TMEM131L: variants seen among roughly 807,000 people sequenced by gnomAD.
TMEM131L encodes transmembrane protein 131-like.
Under a neutral mutation model 192.2 loss-of-function variants are expected in TMEM131L, and 54 were observed. That is an observed-to-expected ratio of 0.28 (90% confidence interval 0.23 to 0.35). TMEM131L has a LOEUF of 0.35. Among genes scored for constraint, TMEM131L ranks in the 10% least tolerant of loss-of-function variants. The probability of loss-of-function intolerance (pLI) is 1.00; values close to 1 mark genes in which losing one functional copy is unlikely to be tolerated. For synonymous variants in TMEM131L, 701 were observed against 704.9 expected, an observed-to-expected ratio of 0.99 and a Z score of 0.09; for missense variants, 1,888 against 1,972.9, an observed-to-expected ratio of 0.96 and a Z score of 0.82.
chr4:153,523,080 G>A (rs1436109168), intron 3 of TMEM131L, among the ~76,000 whole-genome samples: 1 of 152,044 alleles, frequency 6.6e-6, no homozygotes, highest in East Asian at 1.9e-4. Flanking sequence ...TCAACGTACT[G>A]TGTTTCTTAG....
intron 3 of TMEM131L, among the ~76,000 whole-genome samples, chr4:153,540,131 CAAAAA>C (rs66469233): frequency 2.1e-5 from 3 of 145,710 alleles, no homozygotes; most frequent in Non-Finnish European, 3.1e-5. Flanking sequence ...AACAAAAAAA[CAAAAA>C]AAAAAACCCC....
chr4:153,493,148 C>T (rs1732905544), intron 3 of TMEM131L, among the ~76,000 whole-genome samples: 3 of 151,226 alleles, frequency 2.0e-5, no homozygotes, highest in Admixed American at 2.0e-4. Flanking sequence ...AGATCGAGAC[C>T]ATCCTGGCTA....
chr4:153,621,383 C>G (rs1409059116), intron 27 of TMEM131L, among the ~76,000 whole-genome samples: 1 of 152,128 alleles, frequency 6.6e-6, no homozygotes, highest in African/African-American at 2.4e-5. Flanking sequence ...AAGTGAGGTA[C>G]CCAGACAATA....
chr4:153,477,632 T>A (rs1731640555), intron 3 of TMEM131L, among the ~76,000 whole-genome samples: 1 of 152,224 alleles, frequency 6.6e-6, no homozygotes, highest in African/African-American at 2.4e-5. Context: ...CCTGTGTACT[T>A]GCAAGCATAT....
rs1732037835 is a variant in TMEM131L at position 153,604,040 on chromosome 4, C to G, written c.3028C>G (p.Leu1010Val). 6.2e-7 allele frequency: 1 copy of G among 1,614,060 alleles called. No individual in the cohort carries two copies. Among genetic ancestry groups the G allele is most frequent in the South Asian group, 1.1e-5 (1 of 91,090 alleles). The part of the protein sequence containing the change: ...TTTEEKQTSP[L>V]GSSLPAAKED... ...TACTGAGGAAAAACAGACTTCACCC[C>G]TGGGCAGCTCACTGCCTGCTGCTAA... The change falls in exon 25 of 35, where the codon CTG becomes GTG. Residue 1010 changes from leucine to valine, a missense_variant. By Grantham distance (32) the Leu-to-Val change is conservative. Coordinates refer to ENST00000409959, the MANE Select transcript of TMEM131L (RefSeq NM_001131007.2).
At chr4:153,563,313 A>G (rs1728963089) in intron 7 of TMEM131L, among the ~76,000 whole-genome samples, 2 of 152,206 alleles carry the variant, frequency 1.3e-5, no homozygotes, top group Non-Finnish European at 2.9e-5. Flanking sequence ...ATGGCATTTA[A>G]AAGATCGTTA....
Position 153,589,390 on chromosome 4 carries a change from G to A in TMEM131L, c.1670+383G>A, listed in dbSNP as rs115340621. On this transcript the variant is annotated intron_variant, in intron 16 of 34. Transcript: ENST00000409959. ...GCTACTTGAACAAAAGCACTGTGACGCCAGGACAGTTGACCTGATGACTGA... is the reference window on the plus strand; with the variant it reads ...GCTACTTGAACAAAAGCACTGTGACACCAGGACAGTTGACCTGATGACTGA... Among the ~76,000 whole-genome samples the A allele has an allele frequency of 4.1e-4, 63 of 152,186 alleles. 1 individual carries two copies. The highest frequency in any genetic ancestry group is 1.5e-3 in the African/African-American group (61 of 41,532).
At chr4:153,481,291 C>A (rs1451632349) in intron 3 of TMEM131L, among the ~76,000 whole-genome samples, 3 of 152,208 alleles carry the variant, frequency 2.0e-5, no homozygotes, top group Non-Finnish European at 2.9e-5. Context: ...TTCTGAGTCT[C>A]ATGCACCTGT....
intron 3 of TMEM131L, among the ~76,000 whole-genome samples, chr4:153,514,858 G>A (rs565596128): frequency 1.3e-5 from 2 of 151,870 alleles, no homozygotes; most frequent in South Asian, 4.2e-4. Context: ...TGTCCCCCAG[G>A]CTGGAGTGTG....
At position 153,634,271 on chromosome 4, in the gene TMEM131L, T is replaced by C. The variant is rs947195395; in HGVS notation, c.4408T>C (p.Phe1470Leu). 6.2e-7 allele frequency: 1 copy of C among 1,612,792 alleles called. No homozygotes were observed. Among genetic ancestry groups the C allele is most frequent in the African/African-American group, 1.3e-5 (1 of 74,796 alleles). ...CPLELNDYNAFPEENMNYANG... is the reference protein window; with the variant it reads ...CPLELNDYNALPEENMNYANG... ...ATTGGAATTGAACGATTACAATGCC[T>C]TTCCAGAAGGTAAGGGCTCTTCAGA... The change falls in exon 33 of 35, where the codon TTT (phenylalanine) becomes CTT (leucine). Residue 1470 changes from phenylalanine (F) to leucine (L), a missense_variant. Transcript: ENST00000409959.
chr4:153,498,007 G>A lies in TMEM131L; in HGVS notation c.239+24119G>A, dbSNP rs544208531. On this transcript the variant is annotated intron_variant, in intron 3 of 34. Transcript: ENST00000409959. ...GAGATCCGTGTGTAAGCATTTTGAA[G>A]TTTTTGGCTAAAGAAAAACGTTGTG... Among the ~76,000 whole-genome samples, 12 of 152,106 alleles carry A rather than the reference G, an allele frequency of 7.9e-5. No homozygotes were observed. The South Asian group carries it at 1.9e-3, about 24-fold the overall frequency.
intron 3 of TMEM131L, among the ~76,000 whole-genome samples, chr4:153,475,672 C>A (rs576313606): frequency 6.7e-6 from 1 of 148,548 alleles, no homozygotes; most frequent in Non-Finnish European, 1.5e-5. Context: ...AACTGTGGAT[C>A]GAAAATACAG....
At chr4:153,582,784 C>T (rs530274629) in intron 9 of TMEM131L, among the ~76,000 whole-genome samples, 2 of 152,050 alleles carry the variant, frequency 1.3e-5, no homozygotes, top group Non-Finnish European at 2.9e-5. Flanking sequence ...CCTGAGATCT[C>T]AGGATTTTCT....
At chr4:153,506,569 G>A (rs1201692454) in intron 3 of TMEM131L, among the ~76,000 whole-genome samples, 1 of 152,016 alleles carries the variant, frequency 6.6e-6, no homozygotes, top group Non-Finnish European at 1.5e-5. Context: ...TACGCCGGGT[G>A]CGGTGGCTCA....
At position 153,553,682 on chromosome 4, in the gene TMEM131L, A is replaced by G. The variant is rs142938502; in HGVS notation, c.309-2105A>G. 7.4e-4 allele frequency among the ~76,000 whole-genome samples: 112 copies of G among 152,016 alleles called. 1 individual carries two copies. Among genetic ancestry groups the G allele is most frequent in the Middle Eastern group, 6.8e-3 (2 of 294 alleles). Reference sequence around the variant, plus strand: ...AATCCCAACCCTCTTCATAGCTTTGATTTTCCTGGGGGGTTGTAAAATCGG... The same window carrying G: ...AATCCCAACCCTCTTCATAGCTTTGGTTTTCCTGGGGGGTTGTAAAATCGG... On this transcript the variant is annotated intron_variant, in intron 4 of 34. Transcript: ENST00000409959.
intron 3 of TMEM131L, among the ~76,000 whole-genome samples, chr4:153,509,879 C>A (rs976211762): frequency 2.0e-5 from 3 of 152,130 alleles, no homozygotes; most frequent in African/African-American, 4.8e-5. Flanking sequence ...AGTTGGAAAT[C>A]GCTGCGTCGG....
rs1192275063 is a variant in TMEM131L at position 153,481,846 on chromosome 4, G to GTAT, written c.239+7972_239+7974dup. Among the ~76,000 whole-genome samples, 13 of 151,834 alleles carry GTAT rather than the reference G, an allele frequency of 8.6e-5. 1 individual carries two copies. The South Asian group carries it at 1.5e-3, about 17-fold the overall frequency. ...AGCCACTGCGCCTGGCCCAGAGACT[G>GTAT]TATTATTATTATTATTTTTGAGACG... On this transcript the variant is annotated intron_variant, in intron 3 of 34. Coordinates refer to ENST00000409959, the MANE Select transcript of TMEM131L (RefSeq NM_001131007.2).
At chr4:153,624,543 G>C (rs770597454) in intron 29 of TMEM131L, among the ~76,000 whole-genome samples, 19 of 152,256 alleles carry the variant, frequency 1.2e-4, no homozygotes, top group Non-Finnish European at 2.1e-4. Flanking sequence ...AGATTGTGCA[G>C]TTCCTGTTTG....
rs761668760 is a variant in TMEM131L at position 153,591,032 on chromosome 4, GT to G, written c.1671-18del. The G allele has an allele frequency of 1.4e-6, 2 of 1,453,694 alleles. No homozygotes were observed. The highest frequency in any genetic ancestry group is 5.0e-5 in the East Asian group (2 of 40,304). The allele number at this position is 1,453,694 out of a possible 1,614,324, so 90.0% of individuals were successfully genotyped here. A position where few individuals can be genotyped will look rare whatever the true frequency, so the allele number is the denominator to read the frequency against. On this transcript the variant is annotated intron_variant, in intron 16 of 34. Coordinates refer to ENST00000409959, the MANE Select transcript of TMEM131L (RefSeq NM_001131007.2). ...AAATATCAAAATATTTTTCATAATA[GT>G]TTCTTTATCAATTAAACAGGAGGAA...
Sources: allele counts gnomAD v4.1 joint callset (sites outside exome capture counted in the v4.1 genomes callset), GRCh38; gene constraint gnomAD v4.1.1; transcripts MANE v1.5; gene names NCBI Gene and HGNC (gene_info 2026-07-23, HGNC 2026-07-21).